The following AQP4 variants were observed in gnomAD, a reference collection of about 807,000 sequenced individuals.
The protein encoded by AQP4 is aquaporin-4.
In AQP4, 18 loss-of-function variants were observed where a neutral mutation model predicts 27.8. That is an observed-to-expected ratio of 0.65 (90% CI 0.45 to 0.96). AQP4 has a LOEUF of 0.96. Among genes scored for constraint, AQP4 ranks in the 40% least tolerant of loss-of-function variants. The pLI is 0.00. For missense variants in AQP4, 412 were observed against 408.2 expected (o/e 1.01, Z -0.08); for synonymous variants, 141 against 142.9 (o/e 0.99, Z 0.10).
At chr18:26,863,006 G>GGC (rs1380957287) in intron 1 of AQP4, 1 of 178,932 alleles carries the variant, frequency 5.6e-6, no homozygotes, top group African/African-American at 2.5e-5. Flanking sequence ...TGGGGGGGGG[G>GGC]GGTCGTCTTT....
intron 4 of AQP4, 141 bp downstream of exon 4, chr18:26,860,629 CTT>C: frequency 2.6e-6 from 2 of 778,444 alleles, no homozygotes; most frequent in Non-Finnish European, 4.5e-6. Context: ...TTTCCCTAGT[CTT>C]TATGAAAGAT....
At chr18:26,860,031 T>G (rs374548915) in intron 4 of AQP4, among the ~76,000 whole-genome samples, 28 of 152,334 alleles carry the variant, frequency 1.8e-4, no homozygotes, top group African/African-American at 6.5e-4. Context: ...TTAAATTCCT[T>G]TGCTGTGAGA....
At chr18:26,864,534 A>ATTGC (rs2055021337) in intron 1 of AQP4, among the ~76,000 whole-genome samples, 1 of 152,174 alleles carries the variant, frequency 6.6e-6, no homozygotes, top group East Asian at 1.9e-4. Context: ...AAAGAGACAA[A>ATTGC]AACGATGGTT....
At position 26,852,137 on chromosome 18, in the gene AQP4, T is replaced by C. The variant is rs547695844; in HGVS notation, c.*4074A>G. ...AAAATCAACCACAGTGCTAATACTT[T>C]AATATATTATTCCAAATATTAGACG... is the stretch of plus-strand genomic sequence containing the variant. On this transcript the variant is annotated 3_prime_UTR_variant, in exon 5 of 5. Coordinates refer to ENST00000383168, the MANE Select transcript of AQP4 (RefSeq NM_001650.7). 6.6e-6 allele frequency: 1 copy of C among 152,344 alleles called. No individual in the cohort carries two copies. The highest frequency in any genetic ancestry group is 6.5e-5 in the Admixed American group (1 of 15,308). The allele number at this position is 152,344 out of a possible 1,614,324, so 9.4% of individuals were successfully genotyped here.
intron 4 of AQP4, 61 bp downstream of exon 4, chr18:26,860,709 AAG>A: frequency 7.0e-7 from 1 of 1,421,310 alleles, no homozygotes. Context: ...TGAAAAATAA[AAG>A]AGCCCCACAG....
Position 26,856,241 on chromosome 18 carries a change from G to A in AQP4, c.942C>T (p.Asp314=). 6.2e-7 allele frequency: 1 copy of A among 1,614,140 alleles called. No individual in the cohort carries two copies. Among genetic ancestry groups the A allele is most frequent in the East Asian group, 2.2e-5 (1 of 44,886 alleles). The change falls in exon 5 of 5, where the codon GAC becomes GAT. Residue 314 remains aspartate (D), a synonymous_variant. Transcript: ENST00000383168. ...CTGAAGACAATACCTCTCCAGATTGGTCTTTCCCCTTCTTCTCCTCTCCCC... is the reference window on the plus strand; with the variant it reads ...CTGAAGACAATACCTCTCCAGATTGATCTTTCCCCTTCTTCTCCTCTCCCC... ...VDRGEEKKGK[D]QSGEVLSSV is the part of the protein sequence containing the mutation.
At chr18:26,863,477 C>T (rs148208435) in intron 1 of AQP4, among the ~76,000 whole-genome samples, 10 of 152,296 alleles carry the variant, frequency 6.6e-5, no homozygotes, top group Non-Finnish European at 1.5e-4. Flanking sequence ...TGCCCGCCGG[C>T]CCGGTGCATC....
At chr18:26,861,780 T>G (rs974461903) in intron 2 of AQP4, among the ~76,000 whole-genome samples, 20 of 152,364 alleles carry the variant, frequency 1.3e-4, no homozygotes, top group African/African-American at 4.8e-4. Flanking sequence ...GGATGTCTAT[T>G]TTTTTAAGCA....
At chr18:26,864,082 G>A (rs1330849872) in intron 1 of AQP4, among the ~76,000 whole-genome samples, 1 of 152,106 alleles carries the variant, frequency 6.6e-6, no homozygotes, top group African/African-American at 2.4e-5. Flanking sequence ...GAGCCAAGAA[G>A]TATGGAGAGT....
At chr18:26,860,932 A>G (rs2054930639) in intron 3 of AQP4, 80 bp from the exon 4 acceptor site, 1 of 1,477,158 alleles carries the variant, frequency 6.8e-7, no homozygotes, top group Non-Finnish European at 9.5e-7. Context: ...ATTTGCTGTC[A>G]TTTGTCACTT....
chr18:26,862,012 A>T, intron 2 of AQP4, 170 bp downstream of exon 2: 1 of 764,752 alleles, frequency 1.3e-6, no homozygotes, highest in East Asian at 2.6e-5. Flanking sequence ...TTTCTTACAG[A>T]TATACCTAAA....
intron 4 of AQP4, among the ~76,000 whole-genome samples, chr18:26,858,448 A>G (rs1298718122): frequency 1.3e-5 from 2 of 152,244 alleles, no homozygotes; most frequent in Admixed American, 1.3e-4. Context: ...TCCTCATTGT[A>G]AGATTTAAAT....
chr18:26,860,704 A>G, intron 4 of AQP4, 68 bp downstream of exon 4: 1 of 1,407,178 alleles, frequency 7.1e-7, no homozygotes, highest in East Asian at 2.3e-5. Context: ...AATAATGAAA[A>G]ATAAAAGAGC....
chr18:26,862,155 T>C (rs2054957397), intron 2 of AQP4, 27 bp downstream of exon 2: 1 of 1,612,966 alleles, frequency 6.2e-7, no homozygotes, highest in African/African-American at 1.3e-5. Flanking sequence ...CTTGGAGTCC[T>C]AGTTTGAAAA....
In AQP4 at chr18:26,862,252, GC is replaced by G; in HGVS notation, c.376del (p.Ala126ProfsTer39). ...ATAGAGGATTCCTGCTCCAATGATGGCCCCCAGGCACTGGGCTGCGATGTAG... is the reference window on the plus strand; with the variant it reads ...ATAGAGGATTCCTGCTCCAATGATGGCCCCAGGCACTGGGCTGCGATGTAG... ...VFYIAAQCLGAIIGAGILYLV... is the reference protein window; with the variant it reads ...VFYIAAQCLGXIIGAGILYLV... On this transcript the variant is annotated frameshift_variant, in exon 2 of 5. Transcript: ENST00000383168. LOFTEE classifies it high-confidence loss of function. The G allele has an allele frequency of 6.2e-7, 1 of 1,614,082 alleles. No homozygotes were observed. The highest frequency in any genetic ancestry group is 8.5e-7 in the Non-Finnish European group (1 of 1,180,026).
intron 1 of AQP4, 56 bp from the exon 2 acceptor site, chr18:26,862,652 A>G (rs1406616060): frequency 6.2e-7 from 1 of 1,612,152 alleles, no homozygotes; most frequent in Non-Finnish European, 8.5e-7. Context: ...TTATGAATTT[A>G]GGTGAAGGGA....
rs2054800771 is a variant in AQP4 at position 26,854,150 on chromosome 18, G to A, written c.*2061C>T. ...CTTATTGAATGCTATAATTGGAAGT[G>A]AGTGTAAAAGTGAGTGTATATGAAA... On this transcript the variant is annotated 3_prime_UTR_variant, in exon 5 of 5. Transcript: ENST00000383168. 1 of 152,190 alleles carries A rather than the reference G, an allele frequency of 6.6e-6. No individual in the cohort carries two copies. The highest frequency in any genetic ancestry group is 1.5e-5 in the Non-Finnish European group (1 of 68,032). 9.4% of individuals were successfully genotyped at this position (152,190 alleles called of 1,614,324 possible). A position where few individuals can be genotyped will look rare whatever the true frequency, so the allele number is the denominator to read the frequency against.
At chr18:26,859,985 CA>C (rs2054911494) in intron 4 of AQP4, among the ~76,000 whole-genome samples, 1 of 152,174 alleles carries the variant, frequency 6.6e-6, no homozygotes, top group Non-Finnish European at 1.5e-5. Flanking sequence ...TGGTGGCCTT[CA>C]CAACTGCTGC....
At chr18:26,865,171 G>A (rs905861943) in intron 1 of AQP4, 5 of 220,306 alleles carry the variant, frequency 2.3e-5, no homozygotes, top group South Asian at 7.8e-5. Context: ...TCACCCTAGC[G>A]TCACCCATAG....
Sources: gnomAD v4.1 joint callset for allele counts (sites outside exome capture counted in the v4.1 genomes callset) on GRCh38, gnomAD v4.1.1 for gene constraint, MANE v1.5 for transcripts, NCBI Gene and HGNC (gene_info 2026-07-23, HGNC 2026-07-21) for gene names.